GPATCH8: variants seen among roughly 807,000 people sequenced by gnomAD.
GPATCH8 encodes G-patch domain containing 8.
Under a neutral mutation model 118.3 loss-of-function variants are expected in GPATCH8, and 18 were observed. That is an observed-to-expected ratio of 0.15 (90% CI 0.11 to 0.23). The LOEUF is 0.23. Ranked by LOEUF, GPATCH8 falls within the 10% of genes least tolerant of loss-of-function variation. The pLI, the probability that GPATCH8 is intolerant of heterozygous loss-of-function variation, is 1.00. For missense variants in GPATCH8, 1,631 were observed against 1,873.8 expected, an observed-to-expected ratio of 0.87 and a Z score of 2.39; for synonymous variants, 659 against 684.7, an observed-to-expected ratio of 0.96 and a Z score of 0.59.
At position 44,436,608 on chromosome 17, in the gene GPATCH8, T is replaced by C. The variant is rs376715273; in HGVS notation, c.194-63A>G. On this transcript the variant is annotated intron_variant, in intron 3 of 7. Coordinates refer to ENST00000591680, the MANE Select transcript of GPATCH8 (RefSeq NM_001002909.4). ...CCAAACCAACAGCTCATTTTACACATTGGGTTTTGGGTGGTTAGAGATCTT... is the reference window on the plus strand; with the variant it reads ...CCAAACCAACAGCTCATTTTACACACTGGGTTTTGGGTGGTTAGAGATCTT... 1,693 of 830,654 alleles carry C rather than the reference T, an allele frequency of 2.0e-3. 1 individual carries two copies. Among genetic ancestry groups the C allele is most frequent in the Non-Finnish European group, 2.7e-3 (1,257 of 464,028 alleles). The allele number at this position is 830,654 out of a possible 1,614,324, so 51.5% of individuals were successfully genotyped here.
chr17:44,478,744 C>CTTTA (rs1021367562), intron 1 of GPATCH8, among the ~76,000 whole-genome samples: 11 of 151,978 alleles, frequency 7.2e-5, no homozygotes, highest in Non-Finnish European at 1.5e-5. Context: ...GTAATTAAAC[C>CTTTA]TTTAGTTTGT....
chr17:44,414,135 A>ATATATG (rs1555624981), intron 6 of GPATCH8, among the ~76,000 whole-genome samples: 15 of 34,548 alleles, frequency 4.3e-4, no homozygotes, highest in South Asian at 2.2e-3. Flanking sequence ...ATGTGTATAT[A>ATATATG]TATATATGTG....
chr17:44,401,539 T>G (rs1295871128), intron 7 of GPATCH8, 86 bp from the exon 8 acceptor site: 1 of 874,360 alleles, frequency 1.1e-6, no homozygotes, highest in Non-Finnish European at 2.0e-6. Flanking sequence ...ATCTCTTATA[T>G]CCTATCATTC....
chr17:44,490,317 C>CA (rs1356463073), intron 1 of GPATCH8, among the ~76,000 whole-genome samples: 7 of 150,650 alleles, frequency 4.6e-5, no homozygotes, highest in Admixed American at 4.0e-4. Flanking sequence ...TAGAAAAAAA[C>CA]AAAAAAAGAA....
In GPATCH8 at chr17:44,397,175, T is replaced by C. The variant is rs1380355735; in HGVS notation, c.*393A>G. 2 of 459,544 alleles carry C rather than the reference T, an allele frequency of 4.4e-6. No individual in the cohort carries two copies. The highest frequency in any genetic ancestry group is 8.7e-6 in the Non-Finnish European group (2 of 230,828). The allele number at this position is 459,544 out of a possible 1,614,324, so 28.5% of individuals were successfully genotyped here. A position where few individuals can be genotyped will look rare whatever the true frequency, so the allele number is the denominator to read the frequency against. Reference sequence around the variant, plus strand: ...GATGGGCCCACAGCAAGTGCTCTGGTGACAACCCACTGGCCAGAGGGGAGG... The same window carrying C: ...GATGGGCCCACAGCAAGTGCTCTGGCGACAACCCACTGGCCAGAGGGGAGG... On this transcript the variant is annotated 3_prime_UTR_variant, in exon 8 of 8. Transcript: ENST00000591680.
intron 6 of GPATCH8, among the ~76,000 whole-genome samples, chr17:44,406,913 A>T (rs1268187533): frequency 6.6e-6 from 1 of 152,246 alleles, no homozygotes; most frequent in South Asian, 2.1e-4. Context: ...GAACCCAGAC[A>T]TATCTATCTG....
At chr17:44,458,299 T>A (rs1413302805) in intron 3 of GPATCH8, among the ~76,000 whole-genome samples, 1 of 152,090 alleles carries the variant, frequency 6.6e-6, no homozygotes, top group African/African-American at 2.4e-5. Flanking sequence ...ACATCCATTT[T>A]AATTTTTAAG....
intron 6 of GPATCH8, among the ~76,000 whole-genome samples, chr17:44,412,932 G>A (rs1249467489): frequency 6.6e-6 from 1 of 151,980 alleles, no homozygotes; most frequent in Non-Finnish European, 1.5e-5. Flanking sequence ...TTGCTTGCCC[G>A]GGTCACCCTA....
chr17:44,396,122 G>A lies in GPATCH8; in HGVS notation c.*1446C>T, dbSNP rs778317561. Reference sequence around the variant, plus strand: ...CATCCTCCAGCCTACTTCTACTTCCGTTTCTACCAACCCAAAAGGCACATT... The same window carrying A: ...CATCCTCCAGCCTACTTCTACTTCCATTTCTACCAACCCAAAAGGCACATT... On this transcript the variant is annotated 3_prime_UTR_variant, in exon 8 of 8. Transcript: ENST00000591680. 9 of 454,248 alleles carry A rather than the reference G, an allele frequency of 2.0e-5. No individual in the cohort carries two copies. The highest frequency in any genetic ancestry group is 4.0e-5 in the African/African-American group (2 of 49,906). 28.1% of individuals were successfully genotyped at this position (454,248 alleles called of 1,614,324 possible).
At chr17:44,442,058 A>AATAT (rs1350436682) in intron 3 of GPATCH8, among the ~76,000 whole-genome samples, 1 of 147,272 alleles carries the variant, frequency 6.8e-6, no homozygotes, top group African/African-American at 2.5e-5. Flanking sequence ...AAAATAAAAT[A>AATAT]ATATATATAT....
chr17:44,455,270 G>A (rs1336638341), intron 3 of GPATCH8, among the ~76,000 whole-genome samples: 2 of 152,160 alleles, frequency 1.3e-5, no homozygotes, highest in Admixed American at 6.5e-5. Context: ...GGGAGGCCGA[G>A]GTGGGCAGAT....
At chr17:44,429,198 A>G (rs946264663) in intron 5 of GPATCH8, among the ~76,000 whole-genome samples, 1 of 152,234 alleles carries the variant, frequency 6.6e-6, no homozygotes, top group East Asian at 1.9e-4. Flanking sequence ...AAACTGTAAT[A>G]AAGTCAGAAA....
intron 5 of GPATCH8, among the ~76,000 whole-genome samples, chr17:44,433,685 G>A (rs930410761): frequency 2.0e-5 from 3 of 152,088 alleles, no homozygotes; most frequent in African/African-American, 7.2e-5. Flanking sequence ...AGAAAAAGAG[G>A]GCCCAGGTCT....
At chr17:44,494,291 G>A (rs767719924) in intron 1 of GPATCH8, among the ~76,000 whole-genome samples, 9 of 151,760 alleles carry the variant, frequency 5.9e-5, no homozygotes, top group Admixed American at 5.9e-4. Flanking sequence ...TCCTTACCAC[G>A]CTTAAAATCA....
At chr17:44,406,497 G>GGC (rs1555622795) in intron 6 of GPATCH8, among the ~76,000 whole-genome samples, 2 of 5,348 alleles carry the variant, frequency 3.7e-4, no homozygotes, top group Admixed American at 2.7e-3. Context: ...CAGCTTACAT[G>GGC]GGGGGGGGGG....
At chr17:44,446,761 C>G (rs1402469149) in intron 3 of GPATCH8, among the ~76,000 whole-genome samples, 1 of 152,114 alleles carries the variant, frequency 6.6e-6, no homozygotes, top group Non-Finnish European at 1.5e-5. Context: ...GAAAATTTTA[C>G]TATTCCAGGA....
chr17:44,491,065 TGGA>T (rs1969207853), intron 1 of GPATCH8, among the ~76,000 whole-genome samples: 1 of 152,204 alleles, frequency 6.6e-6, no homozygotes, highest in South Asian at 2.1e-4. Context: ...AAATTAGAGC[TGGA>T]GAAGAAGGAA....
chr17:44,479,470 C>T (rs1040806427), intron 1 of GPATCH8, among the ~76,000 whole-genome samples: 8 of 152,088 alleles, frequency 5.3e-5, no homozygotes, highest in Non-Finnish European at 1.2e-4. Context: ...ATTAACGGTG[C>T]TAGAACTAGG....
Position 44,398,112 on chromosome 17 carries a change from T to C in GPATCH8, c.3965A>G (p.Lys1322Arg). Residue 1322 changes from lysine to arginine, a missense_variant, in exon 8 of 8, where the codon AAG becomes AGG. This residue lies in a region of GPATCH8 where 13 missense variants were observed against 35.9 expected (regional missense o/e 0.36). Coordinates refer to ENST00000591680, the MANE Select transcript of GPATCH8 (RefSeq NM_001002909.4). ...GTGTTGCTGAGCAGCCTGCTGGAGC[T>C]TGCTGTACTTCTCCATCTCCTCAGG... ...FTPEEMEKYS[K>R]LQQAAQQHIQ... is the part of the protein sequence containing the mutation. The C allele has an allele frequency of 1.2e-6, 2 of 1,614,082 alleles. No individual in the cohort carries two copies. Among genetic ancestry groups the C allele is most frequent in the East Asian group, 2.2e-5 (1 of 44,868 alleles).
Sources: gnomAD v4.1 joint callset for allele counts (sites outside exome capture counted in the v4.1 genomes callset) on GRCh38, gnomAD v4.1.1 for gene constraint, gnomAD v4.1.1 regional missense constraint, MANE v1.5 for transcripts, NCBI Gene and HGNC (gene_info 2026-07-23, HGNC 2026-07-21) for gene names.